The following PRKCB variants were observed in gnomAD, a reference collection of about 807,000 sequenced individuals.
The protein encoded by PRKCB is protein kinase C beta type.
A neutral mutation model predicts 81.5 loss-of-function variants in PRKCB; 13 were observed. The observed-to-expected ratio is 0.16, with a 90% CI of 0.10 to 0.25. PRKCB has a LOEUF of 0.25. Ranked by LOEUF, PRKCB falls within the 10% of genes least tolerant of loss-of-function variation. PRKCB has a pLI of 1.00. For synonymous variants in PRKCB, 335 were observed against 321.4 expected, an observed-to-expected ratio of 1.04 and a Z score of -0.45; for missense variants, 509 against 875.7, an observed-to-expected ratio of 0.58 and a Z score of 5.29.
intron 2 of PRKCB, among the ~76,000 whole-genome samples, chr16:23,843,130 A>C (rs78164914): frequency 0.018 from 2,778 of 152,372 alleles, 35 homozygotes; most frequent in South Asian, 0.042. Flanking sequence ...TATAACAAAA[A>C]ATGAATCAAA....
intron 2 of PRKCB, among the ~76,000 whole-genome samples, chr16:23,955,760 A>T (rs952057785): frequency 6.6e-6 from 1 of 152,174 alleles, no homozygotes; most frequent in African/African-American, 2.4e-5. Flanking sequence ...TGAACTGCCC[A>T]TGAGTGACCA....
intron 8 of PRKCB, among the ~76,000 whole-genome samples, chr16:24,119,466 G>T (rs1966773349): frequency 1.3e-5 from 2 of 152,182 alleles, no homozygotes; most frequent in Admixed American, 1.3e-4. Context: ...GGATGGGAAA[G>T]TTCCCAGGAT....
intron 2 of PRKCB, among the ~76,000 whole-genome samples, chr16:23,934,497 G>T (rs1289487676): frequency 6.6e-6 from 1 of 152,064 alleles, no homozygotes; most frequent in Non-Finnish European, 1.5e-5. Context: ...GCCTTCAGGG[G>T]ATAAGTATTA....
At chr16:24,181,601 T>C (rs1276038427) in intron 13 of PRKCB, among the ~76,000 whole-genome samples, 2 of 151,346 alleles carry the variant, frequency 1.3e-5, no homozygotes, top group Non-Finnish European at 2.9e-5. Flanking sequence ...ACCTCGTCTC[T>C]ACAAAAAATA....
intron 2 of PRKCB, among the ~76,000 whole-genome samples, chr16:23,941,187 T>C (rs552751634): frequency 6.6e-6 from 1 of 152,326 alleles, no homozygotes; most frequent in East Asian, 1.9e-4. Context: ...GGACAATTTA[T>C]AAAGAAGTGA....
chr16:23,936,579 ATTTTTTTTTTTTT>A (rs57643578), intron 2 of PRKCB, among the ~76,000 whole-genome samples: 5 of 96,036 alleles, frequency 5.2e-5, no homozygotes, highest in Admixed American at 2.5e-4. Context: ...CACCCAACTA[ATTTTTTTTTTTTT>A]TTTTTTTTTT....
Position 24,215,629 on chromosome 16 carries a change from T to A in PRKCB, c.*813T>A, listed in dbSNP as rs1220232650. The A allele has an allele frequency of 5.1e-6, 5 of 984,884 alleles. No individual in the cohort carries two copies. The African/African-American group carries it at 7.0e-5, about 14-fold the overall frequency. The allele number at this position is 984,884 out of a possible 1,614,324, so 61.0% of individuals were successfully genotyped here. A position where few individuals can be genotyped will look rare whatever the true frequency, so the allele number is the denominator to read the frequency against. On this transcript the variant is annotated 3_prime_UTR_variant, in exon 17 of 17. Transcript: ENST00000643927. ...TGCTTTGGGGTTTTGTTTCTGTTGTTGTTCAAATGCAAAAAAAAGAAAAAA... is the reference window on the plus strand; with the variant it reads ...TGCTTTGGGGTTTTGTTTCTGTTGTAGTTCAAATGCAAAAAAAAGAAAAAA...
At chr16:24,096,725 G>C (rs983012392) in intron 7 of PRKCB, among the ~76,000 whole-genome samples, 1 of 134,594 alleles carries the variant, frequency 7.4e-6, no homozygotes, top group Non-Finnish European at 1.5e-5. Flanking sequence ...GTTACCAACA[G>C]AGAGGCTGGG....
At chr16:23,977,425 G>A (rs1460658498) in intron 2 of PRKCB, among the ~76,000 whole-genome samples, 1 of 152,154 alleles carries the variant, frequency 6.6e-6, no homozygotes, top group Admixed American at 6.5e-5. Context: ...GAATCTCTGG[G>A]AGTGGGACTT....
intron 12 of PRKCB, among the ~76,000 whole-genome samples, chr16:24,175,718 T>G (rs2141968630): frequency 6.6e-6 from 1 of 151,800 alleles, no homozygotes; most frequent in East Asian, 2.0e-4. Context: ...GCACCTGTAA[T>G]CCCAACGCTT....
intron 2 of PRKCB, among the ~76,000 whole-genome samples, chr16:23,981,593 C>T (rs921594420): frequency 1.3e-5 from 2 of 149,142 alleles, no homozygotes; most frequent in Non-Finnish European, 3.0e-5. Flanking sequence ...TCCTTTCCTT[C>T]CCTTCCCTTC....
intron 1 of PRKCB, 112 bp from the exon 2 acceptor site, chr16:23,837,263 A>G (rs1597201950): frequency 1.3e-4 from 175 of 1,354,184 alleles, no homozygotes; most frequent in African/African-American, 4.3e-5. Flanking sequence ...TGTGGCTGGG[A>G]GTTTGCACCT....
chr16:24,044,399 A>G (rs1202651846), intron 5 of PRKCB, among the ~76,000 whole-genome samples: 1 of 152,132 alleles, frequency 6.6e-6, no homozygotes, highest in Non-Finnish European at 1.5e-5. Context: ...AAAATGAGAA[A>G]ATGAGTATAA....
intron 2 of PRKCB, among the ~76,000 whole-genome samples, chr16:23,916,220 A>AT (rs10678336): frequency 0.5 from 56,526 of 112,860 alleles, 14,994 homozygotes; most frequent in East Asian, 0.59. Flanking sequence ...CATGTGGCTA[A>AT]TTTTTTTTTT....
Position 23,981,671 on chromosome 16 carries a change from TCTTCCCCTTCCCCTTCC to T in PRKCB, c.206-6824_206-6808del, listed in dbSNP as rs1567333383. The stretch of plus-strand genomic sequence containing the variant: ...TCCTTCCCTTCCTTTTTTCCCTTTC[TCTTCCCCTTCCCCTTCC>T]CTTCCCCTTCCCTTCCCCTTCCCTT... On this transcript the variant is annotated intron_variant, in intron 2 of 16. Transcript: ENST00000643927. Among the ~76,000 whole-genome samples, 55 of 86,686 alleles carry T rather than the reference TCTTCCCCTTCCCCTTCC, an allele frequency of 6.3e-4. 1 individual carries two copies. The highest frequency in any genetic ancestry group is 6.2e-3 in the Middle Eastern group (1 of 162). The allele number at this position is 86,686 out of a possible 152,430, so 56.9% of individuals were successfully genotyped here.
Position 24,123,876 on chromosome 16 carries a change from G to A in PRKCB, c.960G>A (p.Lys320=). The stretch of plus-strand genomic sequence containing the variant: ...AGGGAACCAAGGTCCCGGAAGAAAA[G>A]ACGACCAACACTGTCTCCAAATTTG... ...ISQGTKVPEE[K]TTNTVSKFDN... The change falls in exon 9 of 17, where the codon AAG becomes AAA. Residue 320 remains lysine (K), a synonymous_variant. Transcript: ENST00000643927. The A allele has an allele frequency of 1.2e-6, 2 of 1,614,156 alleles. No homozygotes were observed. Among genetic ancestry groups the A allele is most frequent in the Middle Eastern group, 1.6e-4 (1 of 6,062 alleles).
intron 2 of PRKCB, among the ~76,000 whole-genome samples, chr16:23,870,732 GACTGTGTTCCC>G (rs1288709639): frequency 6.6e-6 from 1 of 152,206 alleles, no homozygotes; most frequent in African/African-American, 2.4e-5. Context: ...AGCTGTTTCT[GACTGTGTTCCC>G]ACACTTTCTC....
intron 2 of PRKCB, among the ~76,000 whole-genome samples, chr16:23,914,649 G>A (rs1171157669): frequency 6.6e-6 from 1 of 152,136 alleles, no homozygotes; most frequent in East Asian, 1.9e-4. Flanking sequence ...AAGGCTGTTG[G>A]GAGGTTTAAA....
At chr16:23,979,392 AT>A (rs551536308) in intron 2 of PRKCB, among the ~76,000 whole-genome samples, 3,510 of 152,212 alleles carry the variant, frequency 0.023, 138 homozygotes, top group African/African-American at 0.078. Flanking sequence ...TCTCATTTAG[AT>A]TTTTGTTAAC....
Sources: allele counts gnomAD v4.1 joint callset (sites outside exome capture counted in the v4.1 genomes callset), GRCh38; gene constraint gnomAD v4.1.1; transcripts MANE v1.5; gene names NCBI Gene and HGNC (gene_info 2026-07-23, HGNC 2026-07-21).